The following NCOA2 variants were observed in gnomAD, a reference collection of about 807,000 sequenced individuals.
NCOA2 encodes nuclear receptor coactivator 2, also known as class E basic helix-loop-helix protein 75.
In NCOA2, 21 loss-of-function variants were observed where a neutral mutation model predicts 145.1. The observed-to-expected ratio is 0.14, with a 90% CI of 0.10 to 0.21. The LOEUF is 0.21. Among genes scored for constraint, NCOA2 ranks in the 10% least tolerant of loss-of-function variants. NCOA2 has a pLI of 1.00. For missense variants in NCOA2, 1,472 were observed against 1,837.6 expected (o/e 0.80, Z 3.64); for synonymous variants, 619 against 637.5 (o/e 0.97, Z 0.44).
chr8:70,226,645 T>A (rs561538143), intron 2 of NCOA2, among the ~76,000 whole-genome samples: 119 of 126,114 alleles, frequency 9.4e-4, no homozygotes, highest in African/African-American at 3.3e-3. Flanking sequence ...TACTTAAAAC[T>A]TATGTTTTAA....
rs372618139 is a variant in NCOA2 at position 70,128,809 on chromosome 8, C to A, written c.3496G>T (p.Ala1166Ser). Residue 1166 changes from alanine (A) to serine (S), a missense_variant, in exon 17 of 23, where the codon GCC becomes TCC. Physicochemically the swap from Ala to Ser is moderately conservative, Grantham distance 99. Transcript: ENST00000452400. ...GGTCTGGGCTGCATACGGAGTGTGG[C>A]ATAACTAGGCCGCTGTCCCATGGTG... is the stretch of plus-strand genomic sequence containing the variant. ...FHTMGQRPSY[A>S]TLRMQPRPGL... is the part of the protein sequence containing the mutation. 1 of 1,613,934 alleles carries A rather than the reference C, an allele frequency of 6.2e-7. No individual in the cohort carries two copies. Among genetic ancestry groups the A allele is most frequent in the African/African-American group, 1.3e-5 (1 of 74,946 alleles).
In NCOA2 at chr8:70,111,280, T is replaced by C. The variant is rs755030087; in HGVS notation, c.*2352A>G. On this transcript the variant is annotated 3_prime_UTR_variant, in exon 23 of 23. Transcript: ENST00000452400. ...GATAGGTAGATAGTTTTGGACGGTG[T>C]TGTAGTGAAAAGGGACTTGAAACTC... The C allele has an allele frequency of 3.6e-4, 81 of 226,920 alleles. No homozygotes were observed. The highest frequency in any genetic ancestry group is 6.0e-4 in the Non-Finnish European group (69 of 114,114). 14.1% of individuals were successfully genotyped at this position (226,920 alleles called of 1,614,324 possible).
rs117063873 is a variant in NCOA2 at position 70,303,271 on chromosome 8, C to T, written c.-76-6471G>A. Among the ~76,000 whole-genome samples, 88 of 152,228 alleles carry T rather than the reference C, an allele frequency of 5.8e-4. No individual in the cohort carries two copies. In the East Asian group the frequency reaches 0.016, roughly 28 times the overall value. On this transcript the variant is annotated intron_variant, in intron 1 of 22. Coordinates refer to ENST00000452400, the MANE Select transcript of NCOA2 (RefSeq NM_006540.4). ...GAGACTGGAACTAAGTCTTGAGGAA[C>T]TTCTACAGGTAAAAACTATGTAGAA...
At chr8:70,339,728 T>TA (rs1431352163) in intron 1 of NCOA2, among the ~76,000 whole-genome samples, 1 of 152,108 alleles carries the variant, frequency 6.6e-6, no homozygotes, top group African/African-American at 2.4e-5. Flanking sequence ...GGTACTGGTA[T>TA]AAAAACAGAC....
chr8:70,161,037 T>C (rs922193305), intron 9 of NCOA2, among the ~76,000 whole-genome samples: 23 of 152,234 alleles, frequency 1.5e-4, no homozygotes, highest in African/African-American at 5.3e-4. Flanking sequence ...CCAACACCTC[T>C]GAAAAGTAGG....
the NCOA2 span, among the ~76,000 whole-genome samples, chr8:70,452,575 T>C: frequency 2.0e-5 from 3 of 152,256 alleles, no homozygotes; most frequent in East Asian, 5.8e-4. Context: ...CACTGCTTAA[T>C]GTGTGTGGGG....
At chr8:70,179,154 C>A (rs915011867) in intron 4 of NCOA2, among the ~76,000 whole-genome samples, 2 of 152,038 alleles carry the variant, frequency 1.3e-5, no homozygotes, top group African/African-American at 4.8e-5. Flanking sequence ...CTTATTCTCA[C>A]AAGAATGAAA....
chr8:70,403,432 C>T (rs889770763), intron 1 of NCOA2, among the ~76,000 whole-genome samples: 1 of 151,676 alleles, frequency 6.6e-6, no homozygotes, highest in East Asian at 1.9e-4. Flanking sequence ...CTTTCTCTCC[C>T]GGGGACTCCG....
At chr8:70,250,960 TA>T (rs1210101259) in intron 2 of NCOA2, among the ~76,000 whole-genome samples, 4 of 152,228 alleles carry the variant, frequency 2.6e-5, no homozygotes, top group Admixed American at 6.5e-5. Context: ...ATACATTTCA[TA>T]AATAGTAAGA....
intron 1 of NCOA2, among the ~76,000 whole-genome samples, chr8:70,374,563 G>A (rs1811501266): frequency 6.6e-6 from 1 of 152,016 alleles, no homozygotes; most frequent in African/African-American, 2.4e-5. Flanking sequence ...AACAACTTGG[G>A]AGGCCAAGGC....
chr8:70,324,632 A>G (rs956152278), intron 1 of NCOA2, among the ~76,000 whole-genome samples: 4 of 147,642 alleles, frequency 2.7e-5, no homozygotes, highest in African/African-American at 5.1e-5. Context: ...TCCAACCCCA[A>G]AAAAAAAAAG....
chr8:70,446,183 C>T, the NCOA2 span, among the ~76,000 whole-genome samples: 3 of 152,194 alleles, frequency 2.0e-5, no homozygotes, highest in African/African-American at 7.2e-5. Flanking sequence ...TACTTCTGCT[C>T]CTCATGCCCA....
intron 4 of NCOA2, among the ~76,000 whole-genome samples, chr8:70,207,917 T>C (rs1818631064): frequency 7.3e-6 from 1 of 137,334 alleles, no homozygotes; most frequent in African/African-American, 2.8e-5. Flanking sequence ...GAAAAGCAAT[T>C]GAAAATGAAT....
intron 1 of NCOA2, among the ~76,000 whole-genome samples, chr8:70,309,081 T>A (rs1194508956): frequency 1.3e-5 from 2 of 152,156 alleles, no homozygotes; most frequent in Admixed American, 6.5e-5. Flanking sequence ...TATGACTGCC[T>A]TGAGGCTGCC....
At chr8:70,167,478 C>T (rs1813746913) in intron 6 of NCOA2, among the ~76,000 whole-genome samples, 2 of 152,302 alleles carry the variant, frequency 1.3e-5, no homozygotes, top group South Asian at 4.1e-4. Flanking sequence ...AGGTCCTCTA[C>T]AATCAATACT....
intron 2 of NCOA2, among the ~76,000 whole-genome samples, chr8:70,265,423 C>T (rs907686697): frequency 4.6e-5 from 7 of 152,052 alleles, no homozygotes; most frequent in East Asian, 3.9e-4. Flanking sequence ...TATGACAGCA[C>T]GAGCTGAAAC....
intron 1 of NCOA2, among the ~76,000 whole-genome samples, chr8:70,362,173 T>G (rs1169956351): frequency 1.3e-5 from 2 of 152,124 alleles, no homozygotes; most frequent in African/African-American, 4.8e-5. Flanking sequence ...AAGGAAAATA[T>G]GTGTTTATGT....
At chr8:70,244,962 C>T (rs567869260) in intron 2 of NCOA2, 1 of 152,276 alleles carries the variant, frequency 6.6e-6, no homozygotes, top group African/African-American at 2.4e-5. Flanking sequence ...CACAGAATTC[C>T]AAGAACATTA....
intron 1 of NCOA2, among the ~76,000 whole-genome samples, chr8:70,385,367 G>A (rs1344874238): frequency 6.6e-6 from 1 of 152,234 alleles, no homozygotes; most frequent in East Asian, 1.9e-4. Flanking sequence ...AATCCAGACA[G>A]TGCTACACCA....
Sources: allele counts gnomAD v4.1 joint callset (sites outside exome capture counted in the v4.1 genomes callset), GRCh38; gene constraint gnomAD v4.1.1; transcripts MANE v1.5; gene names NCBI Gene and HGNC (gene_info 2026-07-23, HGNC 2026-07-21).